Variants in SGMS1 observed in about 807,000 individuals in gnomAD.
SGMS1 encodes the protein sphingomyelin synthase 1, also known as phosphatidylcholine:ceramide cholinephosphotransferase 1.
Under a neutral mutation model 46.2 loss-of-function variants are expected in SGMS1, and 13 were observed. The observed-to-expected ratio is 0.28, with a 90% CI of 0.18 to 0.45. The LOEUF is 0.45. Ranked by LOEUF, SGMS1 falls within the 20% of genes least tolerant of loss-of-function variation. SGMS1 has a pLI of 1.00. For missense variants in SGMS1, 324 were observed against 519.9 expected, an observed-to-expected ratio of 0.62 and a Z score of 3.66; for synonymous variants, 203 against 187.8, an observed-to-expected ratio of 1.08 and a Z score of -0.66.
At chr10:50,520,453 G>A (rs1191259492) in intron 2 of SGMS1, among the ~76,000 whole-genome samples, 1 of 151,988 alleles carries the variant, frequency 6.6e-6, no homozygotes, top group East Asian at 1.9e-4. Flanking sequence ...TATTTACAAA[G>A]AGCTTTCACA....
At chr10:50,493,875 G>A (rs143499630) in intron 3 of SGMS1, among the ~76,000 whole-genome samples, 2 of 152,312 alleles carry the variant, frequency 1.3e-5, no homozygotes, top group Non-Finnish European at 2.9e-5. Context: ...TTGACTCACT[G>A]TAGCCTCCAC....
Position 50,437,059 on chromosome 10 carries a change from A to G in SGMS1, c.-312-3503T>C, listed in dbSNP as rs567897266. ...ACCAGATGTTGTTATATGGGTTAAAAGACATAATGTCTATACACAATTTAA... is the reference window on the plus strand; with the variant it reads ...ACCAGATGTTGTTATATGGGTTAAAGGACATAATGTCTATACACAATTTAA... On this transcript the variant is annotated intron_variant, in intron 5 of 10. Transcript: ENST00000361781. Among the ~76,000 whole-genome samples the G allele has an allele frequency of 2.0e-5, 3 of 152,386 alleles. No individual in the cohort carries two copies. In the South Asian group the frequency reaches 6.2e-4, roughly 32 times the overall value.
chr10:50,405,404 G>A (rs1848998944), intron 6 of SGMS1, among the ~76,000 whole-genome samples: 1 of 152,180 alleles, frequency 6.6e-6, no homozygotes, highest in Non-Finnish European at 1.5e-5. Context: ...GATAGATCGA[G>A]TATCAACTCA....
intron 6 of SGMS1, among the ~76,000 whole-genome samples, chr10:50,385,405 T>C (rs1039788066): frequency 6.6e-6 from 1 of 152,230 alleles, no homozygotes; most frequent in African/African-American, 2.4e-5. Context: ...TTCTGCCATG[T>C]GATCATGGGA....
At chr10:50,349,897 A>C (rs998889507) in intron 6 of SGMS1, among the ~76,000 whole-genome samples, 1 of 152,148 alleles carries the variant, frequency 6.6e-6, no homozygotes, top group African/African-American at 2.4e-5. Flanking sequence ...AATACAGTAC[A>C]TTGGTACCAG....
intron 6 of SGMS1, among the ~76,000 whole-genome samples, chr10:50,362,415 A>G (rs1589407013): frequency 6.6e-6 from 1 of 152,234 alleles, no homozygotes; most frequent in East Asian, 1.9e-4. Context: ...CCTTGAATAA[A>G]GCAAGAATCT....
upstream of SGMS1, chr10:50,624,812 C>G: frequency 2.0e-6 from 2 of 986,488 alleles, no homozygotes; most frequent in Non-Finnish European, 2.4e-6. Context: ...CGTCCCTGGC[C>G]GGCCCGCGCC....
At chr10:50,416,517 T>C (rs926021464) in intron 6 of SGMS1, among the ~76,000 whole-genome samples, 1 of 152,328 alleles carries the variant, frequency 6.6e-6, no homozygotes, top group Admixed American at 6.5e-5. Flanking sequence ...ATTTGAGGCA[T>C]CTTAGAGATA....
At chr10:50,363,449 G>T (rs758420379) in intron 6 of SGMS1, among the ~76,000 whole-genome samples, 1 of 152,196 alleles carries the variant, frequency 6.6e-6, no homozygotes, top group African/African-American at 2.4e-5. Context: ...GGAGTTAAAA[G>T]ACCACTTAAT....
chr10:50,426,463 C>G (rs11005621), intron 6 of SGMS1, among the ~76,000 whole-genome samples: 24,975 of 152,022 alleles, frequency 0.16, 2,519 homozygotes, highest in East Asian at 0.26. Flanking sequence ...AAAGTCATAC[C>G]CATGAAGTTA....
At chr10:50,607,439 C>A (rs1015888087) in intron 1 of SGMS1, among the ~76,000 whole-genome samples, 4 of 152,166 alleles carry the variant, frequency 2.6e-5, no homozygotes. Flanking sequence ...TCACATATTA[C>A]CTCTGCAAAG....
chr10:50,568,873 C>T (rs936783142), intron 2 of SGMS1, among the ~76,000 whole-genome samples: 3 of 151,672 alleles, frequency 2.0e-5, no homozygotes, highest in Admixed American at 2.0e-4. Flanking sequence ...GCCCTGTTCA[C>T]AATAGTAAAG....
intron 2 of SGMS1, among the ~76,000 whole-genome samples, chr10:50,534,391 T>C (rs186187785): frequency 1.3e-5 from 2 of 152,306 alleles, no homozygotes; most frequent in Admixed American, 1.3e-4. Flanking sequence ...GGAATGTAAA[T>C]TGAACCAACG....
intron 1 of SGMS1, among the ~76,000 whole-genome samples, chr10:50,620,666 T>C (rs530135743): frequency 1.3e-5 from 2 of 152,274 alleles, no homozygotes; most frequent in Admixed American, 1.3e-4. Flanking sequence ...CAGACAGTGA[T>C]GGTAAAGAGC....
chr10:50,519,394 T>C (rs1318273328), intron 3 of SGMS1, among the ~76,000 whole-genome samples: 17 of 152,218 alleles, frequency 1.1e-4, no homozygotes, highest in Admixed American at 1.0e-3. Context: ...GTAACCGTGA[T>C]CTTCCAGGAC....
intron 5 of SGMS1, among the ~76,000 whole-genome samples, chr10:50,454,469 A>G (rs1036428707): frequency 2.4e-4 from 36 of 152,256 alleles, no homozygotes; most frequent in African/African-American, 8.4e-4. Flanking sequence ...AAAGGACATT[A>G]TATATATAAA....
intron 6 of SGMS1, among the ~76,000 whole-genome samples, chr10:50,406,704 C>T (rs376814348): frequency 2.8e-5 from 4 of 145,076 alleles, no homozygotes; most frequent in East Asian, 2.0e-4. Flanking sequence ...AGCTATAATT[C>T]TTTTTTTTTT....
At chr10:50,597,345 G>C (rs1031842952) in intron 1 of SGMS1, among the ~76,000 whole-genome samples, 6 of 152,174 alleles carry the variant, frequency 3.9e-5, no homozygotes, top group African/African-American at 1.4e-4. Flanking sequence ...CAAAAATACA[G>C]GTCAACTAGG....
At chr10:50,612,144 G>A (rs1448278058) in intron 1 of SGMS1, among the ~76,000 whole-genome samples, 2 of 152,186 alleles carry the variant, frequency 1.3e-5, no homozygotes, top group African/African-American at 2.4e-5. Context: ...ATCTCCATCT[G>A]TGACTATTGG....
Sources: gnomAD v4.1 joint callset for allele counts (sites outside exome capture counted in the v4.1 genomes callset) on GRCh38, gnomAD v4.1.1 for gene constraint, MANE v1.5 for transcripts, NCBI Gene and HGNC (gene_info 2026-07-23, HGNC 2026-07-21) for gene names.